YES1: variants seen among roughly 807,000 people sequenced by gnomAD.
YES1 encodes tyrosine-protein kinase Yes.
Under a neutral mutation model 70.4 loss-of-function variants are expected in YES1, and 39 were observed. The observed-to-expected ratio is 0.55, with a 90% CI of 0.43 to 0.72. The LOEUF is 0.72. Ranked by LOEUF, YES1 falls within the 30% of genes least tolerant of loss-of-function variation. The pLI is 0.00. For missense variants in YES1, 495 were observed against 644.8 expected (o/e 0.77, Z 2.52); for synonymous variants, 198 against 218.6 (o/e 0.91, Z 0.83).
intron 1 of YES1, among the ~76,000 whole-genome samples, chr18:769,550 T>C (rs1905063840): frequency 6.6e-6 from 1 of 152,224 alleles, no homozygotes; most frequent in Admixed American, 6.5e-5. Flanking sequence ...TGATATTAGC[T>C]GTAGGATTTT....
Position 751,689 on chromosome 18 carries a change from T to C in YES1, c.371+16A>G. 1 of 1,466,020 alleles carries C rather than the reference T, an allele frequency of 6.8e-7. No individual in the cohort carries two copies. 90.8% of individuals were successfully genotyped at this position (1,466,020 alleles called of 1,614,324 possible). A position where few individuals can be genotyped will look rare whatever the true frequency, so the allele number is the denominator to read the frequency against. On this transcript the variant is annotated intron_variant, in intron 3 of 11. Coordinates refer to ENST00000314574, the MANE Select transcript of YES1 (RefSeq NM_005433.4). ...TTCTGTCAGTATTTCTCTCACAAAA[T>C]ATTCATGACACTTACGTATTGTTAA...
chr18:793,160 C>T (rs866961142), intron 1 of YES1, among the ~76,000 whole-genome samples: 60 of 151,998 alleles, frequency 3.9e-4, no homozygotes, highest in African/African-American at 1.4e-3. Context: ...CTGCCTCAGC[C>T]TCCCAAGTAG....
Position 743,289 on chromosome 18 carries a change from CCTAGTTTAACCT to C in YES1, c.839_850del (p.Glu280_Leu283del). The C allele has an allele frequency of 6.2e-7, 1 of 1,612,142 alleles. No individual in the cohort carries two copies. Among genetic ancestry groups the C allele is most frequent in the Non-Finnish European group, 8.5e-7 (1 of 1,179,930 alleles). On this transcript the variant is annotated inframe_deletion, in exon 7 of 12. Transcript: ENST00000314574. ...CCACACTTCGCCGAAACATCCTTGTCCTAGTTTAACCTCTAGTCGCAAAGATTCTCGAGGGAT... is the reference window on the plus strand; with the variant it reads ...CCACACTTCGCCGAAACATCCTTGTCCTAGTCGCAAAGATTCTCGAGGGAT...
At chr18:725,396 T>C (rs142075201) in intron 11 of YES1, among the ~76,000 whole-genome samples, 68 of 152,296 alleles carry the variant, frequency 4.5e-4, no homozygotes, top group African/African-American at 1.6e-3. Flanking sequence ...TTTAAAATAG[T>C]CTATGATTCT....
chr18:753,344 ATATTGT>A (rs1038313112), intron 2 of YES1, among the ~76,000 whole-genome samples: 1 of 152,158 alleles, frequency 6.6e-6, no homozygotes, highest in Admixed American at 6.6e-5. Context: ...AGAATACAAT[ATATTGT>A]TATTAACTGT....
intron 1 of YES1, among the ~76,000 whole-genome samples, chr18:766,175 C>T (rs914269469): frequency 3.9e-5 from 6 of 152,140 alleles, no homozygotes; most frequent in Non-Finnish European, 8.8e-5. Context: ...CTATCCAGCC[C>T]TACGTAGTAA....
chr18:745,379 T>C (rs909957689), intron 6 of YES1, among the ~76,000 whole-genome samples: 17 of 152,192 alleles, frequency 1.1e-4, no homozygotes, highest in African/African-American at 3.1e-4. Flanking sequence ...TGTTACCCAA[T>C]GTTTAGTTTT....
At chr18:789,879 G>A (rs2145814077) in intron 1 of YES1, among the ~76,000 whole-genome samples, 1 of 152,054 alleles carries the variant, frequency 6.6e-6, no homozygotes, top group East Asian at 1.9e-4. Flanking sequence ...GATCAACGTG[G>A]TGAAACCCCG....
At chr18:799,949 T>G (rs747669580) in intron 1 of YES1, among the ~76,000 whole-genome samples, 1 of 152,074 alleles carries the variant, frequency 6.6e-6, no homozygotes, top group African/African-American at 2.4e-5. Flanking sequence ...CATATATTTA[T>G]GGAATATGAT....
intron 11 of YES1, among the ~76,000 whole-genome samples, chr18:731,098 G>A (rs1434908364): frequency 6.6e-6 from 1 of 152,184 alleles, no homozygotes; most frequent in African/African-American, 2.4e-5. Context: ...CTAGGGTTGG[G>A]GTGGAGGGAG....
At chr18:767,851 C>A (rs1022961663) in intron 1 of YES1, among the ~76,000 whole-genome samples, 1 of 152,082 alleles carries the variant, frequency 6.6e-6, no homozygotes, top group African/African-American at 2.4e-5. Context: ...CAGACGTGCA[C>A]CACAACAACT....
At chr18:794,352 A>G (rs891180106) in intron 1 of YES1, among the ~76,000 whole-genome samples, 10 of 152,230 alleles carry the variant, frequency 6.6e-5, no homozygotes, top group Non-Finnish European at 1.2e-4. Flanking sequence ...ACTTTTAAAA[A>G]TATCAATGTC....
At chr18:754,802 T>C (rs2145735313) in intron 2 of YES1, among the ~76,000 whole-genome samples, 1 of 152,272 alleles carries the variant, frequency 6.6e-6, no homozygotes, top group African/African-American at 2.4e-5. Context: ...ATCATTCTAG[T>C]TAGTTCCTTC....
intron 10 of YES1, among the ~76,000 whole-genome samples, chr18:733,505 C>T (rs1324055212): frequency 6.6e-6 from 1 of 151,240 alleles, no homozygotes; most frequent in African/African-American, 2.4e-5. Context: ...GGCTTTCGGC[C>T]GGGCGCGGTG....
intron 11 of YES1, among the ~76,000 whole-genome samples, chr18:726,772 CTCT>C (rs1251859261): frequency 5.7e-5 from 4 of 69,616 alleles, no homozygotes; most frequent in Admixed American, 2.5e-4. Context: ...CAAAGCAAGA[CTCT>C]TGTCTCAAAA....
intron 1 of YES1, among the ~76,000 whole-genome samples, chr18:801,228 G>A (rs1394212387): frequency 1.3e-5 from 2 of 152,158 alleles, no homozygotes; most frequent in South Asian, 2.1e-4. Context: ...AGCTACTGGG[G>A]AGGCTGAGGT....
intron 1 of YES1, among the ~76,000 whole-genome samples, chr18:808,121 C>G (rs1907191185): frequency 6.6e-6 from 1 of 152,174 alleles, no homozygotes; most frequent in Non-Finnish European, 1.5e-5. Flanking sequence ...GCTTTCAGAT[C>G]TTAAAGGTAA....
At chr18:733,011 A>ATTT (rs1568185173) in intron 10 of YES1, 46 bp from the exon 11 acceptor site, 1 of 1,599,946 alleles carries the variant, frequency 6.3e-7, no homozygotes, top group South Asian at 1.1e-5. Flanking sequence ...TTAAAAATCT[A>ATTT]TTTGTGTAAA....
chr18:795,236 C>T (rs1160871620), intron 1 of YES1, among the ~76,000 whole-genome samples: 1 of 152,140 alleles, frequency 6.6e-6, no homozygotes, highest in Non-Finnish European at 1.5e-5. Context: ...AGAAAACGTC[C>T]TTGTTTTAGG....
Sources: allele counts gnomAD v4.1 joint callset (sites outside exome capture counted in the v4.1 genomes callset), GRCh38; gene constraint gnomAD v4.1.1; transcripts MANE v1.5; gene names NCBI Gene and HGNC (gene_info 2026-07-23, HGNC 2026-07-21).